Variants in NECAP1 observed in about 807,000 individuals in gnomAD.
NECAP1 encodes the protein adaptin ear-binding coat-associated protein 1.
NECAP1 carries 13 observed loss-of-function variants against 33.4 expected under a neutral mutation model. That is an observed-to-expected ratio of 0.39 (90% confidence interval 0.25 to 0.62). The LOEUF (loss-of-function observed/expected upper bound fraction) is 0.62. NECAP1 is among the 20% of genes least tolerant of loss of function. The pLI is 0.52. For missense variants in NECAP1, 272 were observed against 347.4 expected, an observed-to-expected ratio of 0.78 and a Z score of 1.73; for synonymous variants, 109 against 125.2, an observed-to-expected ratio of 0.87 and a Z score of 0.86.
Position 8,092,624 on chromosome 12 carries a change from GAC to G in NECAP1, c.384-51_384-50del, listed in dbSNP as rs374416859. On this transcript the variant is annotated intron_variant, in intron 4 of 7. Coordinates refer to ENST00000339754, the MANE Select transcript of NECAP1 (RefSeq NM_015509.4). ...TAAATACACCCAAATTTGTATGTCA[GAC>G]TCTGCTTTCAGGAAATCTCAAACTA... 2.1e-4 allele frequency: 291 copies of G among 1,393,200 alleles called. 5 individuals carry two copies. The South Asian group carries it at 3.2e-3, about 15-fold the overall frequency. The allele number at this position is 1,393,200 out of a possible 1,614,324, so 86.3% of individuals were successfully genotyped here.
intron 1 of NECAP1, among the ~76,000 whole-genome samples, chr12:8,085,702 T>G (rs1376415012): frequency 2.1e-4 from 30 of 141,254 alleles, no homozygotes; most frequent in Non-Finnish European, 2.5e-4. Flanking sequence ...TTTTTTTTTT[T>G]TTTTTTTTTT....
intron 6 of NECAP1, among the ~76,000 whole-genome samples, chr12:8,094,207 T>C (rs765301940): frequency 6.6e-6 from 1 of 152,336 alleles, no homozygotes; most frequent in African/African-American, 2.4e-5. Flanking sequence ...CTGGGGATAG[T>C]ATCTAAGATT....
chr12:8,092,739 G>A lies in NECAP1; in HGVS notation c.447G>A (p.Leu149=). The A allele has an allele frequency of 6.2e-7, 1 of 1,613,996 alleles. No homozygotes were observed. The highest frequency in any genetic ancestry group is 8.5e-7 in the Non-Finnish European group (1 of 1,179,906). The change falls in exon 5 of 8, where the codon TTG becomes TTA. Residue 149 remains leucine, a synonymous_variant. Coordinates refer to ENST00000339754, the MANE Select transcript of NECAP1 (RefSeq NM_015509.4). The part of the protein sequence containing the change: ...ESQEMDARPK[L]DLGFKEGQTI... ...AAGAAATGGATGCTCGTCCTAAGTT[G>A]GATCTGGGCTTCAAGGAAGGACAAA...
At chr12:8,095,448 C>T (rs1311568883) in intron 6 of NECAP1, 153 bp from the exon 7 acceptor site, 1 of 445,970 alleles carries the variant, frequency 2.2e-6, no homozygotes, top group African/African-American at 2.0e-5. Flanking sequence ...CGGGGTTTCA[C>T]CTTGTTAGCC....
intron 1 of NECAP1, among the ~76,000 whole-genome samples, chr12:8,086,057 C>T (rs774927300): frequency 6.6e-6 from 1 of 152,222 alleles, no homozygotes; most frequent in East Asian, 1.9e-4. Context: ...ATAATAAATG[C>T]TTGATAAATG....
chr12:8,086,569 A>T (rs193182337), intron 1 of NECAP1, among the ~76,000 whole-genome samples: 1 of 152,262 alleles, frequency 6.6e-6, no homozygotes, highest in Non-Finnish European at 1.5e-5. Flanking sequence ...AGCTGAGATC[A>T]TGCCACTGCT....
chr12:8,082,529 C>T, intron 1 of NECAP1, 146 bp downstream of exon 1: 1 of 664,272 alleles, frequency 1.5e-6, no homozygotes. Context: ...ATCTCCCTGA[C>T]CACCTGCTCC....
intron 1 of NECAP1, among the ~76,000 whole-genome samples, chr12:8,085,219 T>C (rs1177028658): frequency 6.6e-6 from 1 of 152,148 alleles, no homozygotes. Flanking sequence ...GGGGTTTCAC[T>C]GTGTTGGCCA....
intron 1 of NECAP1, among the ~76,000 whole-genome samples, chr12:8,088,453 A>G (rs913223310): frequency 7.9e-5 from 12 of 152,094 alleles, no homozygotes; most frequent in African/African-American, 2.7e-4. Flanking sequence ...CTTCTATCCC[A>G]TATCTAATCC....
In NECAP1 at chr12:8,090,188, C is replaced by T; in HGVS notation, c.197-7C>T. 8.1e-6 allele frequency: 13 copies of T among 1,613,774 alleles called. No homozygotes were observed. Among genetic ancestry groups the T allele is most frequent in the Non-Finnish European group, 1.1e-5 (13 of 1,179,686 alleles). Reference sequence around the variant, plus strand: ...TTACTCAAAAAAGTCTTTCTCTTATCTGTCAGGGGAGCTCTTTGCTCAGGC... The same window carrying T: ...TTACTCAAAAAAGTCTTTCTCTTATTTGTCAGGGGAGCTCTTTGCTCAGGC... On this transcript the variant is annotated splice_polypyrimidine_tract_variant and splice_region_variant and intron_variant, in intron 2 of 7. Coordinates refer to ENST00000339754, the MANE Select transcript of NECAP1 (RefSeq NM_015509.4).
rs1389928453 is a variant in NECAP1, at chr12:8,085,694, T to C, written c.95+3311T>C. ...TCCTCTCACTTAATCTTCTTTTTTT[T>C]TTTTTTTTTTTTTTTTTTTTTGTTG... is the stretch of plus-strand genomic sequence containing the variant. On this transcript the variant is annotated intron_variant, in intron 1 of 7. Transcript: ENST00000339754. Among the ~76,000 whole-genome samples, 10 of 130,326 alleles carry C rather than the reference T, an allele frequency of 7.7e-5. No individual in the cohort carries two copies. In the East Asian group the frequency reaches 8.4e-4, roughly 11 times the overall value. The allele number at this position is 130,326 out of a possible 152,430, so 85.5% of individuals were successfully genotyped here. A position where few individuals can be genotyped will look rare whatever the true frequency, so the allele number is the denominator to read the frequency against.
chr12:8,082,934 G>A (rs1421990623), intron 1 of NECAP1: 1 of 152,860 alleles, frequency 6.5e-6, no homozygotes, highest in African/African-American at 2.4e-5. Context: ...TCCACCATTC[G>A]GTTTTTCCTT....
intron 3 of NECAP1, 103 bp downstream of exon 3, chr12:8,090,402 C>A: frequency 1.9e-6 from 2 of 1,033,926 alleles, no homozygotes; most frequent in Non-Finnish European, 2.9e-6. Flanking sequence ...TGGTTTACTT[C>A]ATTTTTTCTT....
chr12:8,091,670 C>A, intron 3 of NECAP1, 99 bp from the exon 4 acceptor site: 1 of 981,524 alleles, frequency 1.0e-6, no homozygotes, highest in South Asian at 1.3e-5. Flanking sequence ...CCTCCTGCTG[C>A]ATGGCCTGGT....
rs906441966 is a variant in NECAP1, at chr12:8,097,788, A to G, written c.*1698A>G. On this transcript the variant is annotated 3_prime_UTR_variant, in exon 8 of 8. Transcript: ENST00000339754. The stretch of plus-strand genomic sequence containing the variant: ...AAAAAAGTGTCTCTTTTATCTTTTA[A>G]TTTGCTTATTTGATTACCTTTTAAA... The G allele has an allele frequency of 4.6e-5, 7 of 152,614 alleles. No homozygotes were observed. 9.5% of individuals were successfully genotyped at this position (152,614 alleles called of 1,614,324 possible). A position where few individuals can be genotyped will look rare whatever the true frequency, so the allele number is the denominator to read the frequency against.
intron 1 of NECAP1, among the ~76,000 whole-genome samples, chr12:8,085,865 G>T (rs1347251167): frequency 2.0e-5 from 3 of 151,688 alleles, no homozygotes; most frequent in Non-Finnish European, 4.4e-5. Flanking sequence ...TGCCATGCTT[G>T]GCTAATTTTT....
At chr12:8,089,106 C>G (rs1397513836) in intron 1 of NECAP1, 1 of 152,076 alleles carries the variant, frequency 6.6e-6, no homozygotes, top group Non-Finnish European at 1.5e-5. Context: ...TTTCTATCTT[C>G]TGTTAGGATG....
At chr12:8,083,036 T>C (rs949237925) in intron 1 of NECAP1, 8 of 152,374 alleles carry the variant, frequency 5.3e-5, no homozygotes, top group African/African-American at 1.7e-4. Context: ...TTGATGATTA[T>C]ATAGTATTTT....
At position 8,096,594 on chromosome 12, in the gene NECAP1, T is replaced by A. The variant is rs969680421; in HGVS notation, c.*504T>A. ...AGTGTTTACAAATTCAGAATTTTGA[T>A]AGGGGTAGATATGGAGAAAGACCTA... On this transcript the variant is annotated 3_prime_UTR_variant, in exon 8 of 8. Transcript: ENST00000339754. 6.5e-6 allele frequency: 1 copy of A among 153,854 alleles called. No individual in the cohort carries two copies. Among genetic ancestry groups the A allele is most frequent in the Non-Finnish European group, 1.5e-5 (1 of 68,780 alleles). 9.5% of individuals were successfully genotyped at this position (153,854 alleles called of 1,614,324 possible). A position where few individuals can be genotyped will look rare whatever the true frequency, so the allele number is the denominator to read the frequency against.
Sources: gnomAD v4.1 joint callset for allele counts (sites outside exome capture counted in the v4.1 genomes callset) on GRCh38, gnomAD v4.1.1 for gene constraint, MANE v1.5 for transcripts, NCBI Gene and HGNC (gene_info 2026-07-23, HGNC 2026-07-21) for gene names.